SH2D6: variants seen among roughly 807,000 people sequenced by gnomAD.
SH2D6 encodes the protein SH2 domain-containing protein 6.
In SH2D6, 31 loss-of-function variants were observed where a neutral mutation model predicts 30.2. The ratio of observed to expected loss-of-function variants is 1.03; its 90% CI spans 0.77 to 1.38. SH2D6 has a LOEUF of 1.38. SH2D6 is among the 40% of genes most tolerant of loss of function. SH2D6 has a pLI of 0.00. For synonymous variants in SH2D6, 93 were observed against 104.6 expected (o/e 0.89, Z 0.68); for missense variants, 240 against 266.8 (o/e 0.90, Z 0.70).
intron 15 of SH2D6, 95 bp downstream of exon 15, chr2:85,433,216 C>T (rs1341230933): frequency 1.1e-6 from 1 of 873,542 alleles, no homozygotes; most frequent in African/African-American, 1.8e-5. Flanking sequence ...AGGAAATATC[C>T]CTGAAACCAA....
intron 2 of SH2D6, among the ~76,000 whole-genome samples, chr2:85,421,098 CAGG>C (rs1365130877): frequency 2.6e-5 from 4 of 152,216 alleles, no homozygotes; most frequent in Non-Finnish European, 5.9e-5. Context: ...CAGCTGGGAA[CAGG>C]AGAAGCTTGG....
chr2:85,435,260 G>A (rs1181523214), intron 20 of SH2D6, 137 bp downstream of exon 20: 26 of 1,247,358 alleles, frequency 2.1e-5, no homozygotes, highest in Admixed American at 4.3e-5. Flanking sequence ...GCACCCCGCC[G>A]TGCCCCAGAC....
At position 85,436,603 on chromosome 2, in the gene SH2D6, C is replaced by T. The variant is rs377247603; in HGVS notation, c.*12+9C>T. ...CTTGAGGCCACAGCGAAGTACACACCGCCTTTGGCCCCAGTTTGCTTCTTG... is the reference window on the plus strand; with the variant it reads ...CTTGAGGCCACAGCGAAGTACACACTGCCTTTGGCCCCAGTTTGCTTCTTG... On this transcript the variant is annotated intron_variant, in intron 23 of 23. Coordinates refer to ENST00000469800, the MANE Select transcript of SH2D6 (RefSeq NM_001394463.1). The T allele has an allele frequency of 9.4e-6, 15 of 1,599,422 alleles. No homozygotes were observed. In the South Asian group the frequency reaches 9.9e-5, roughly 11 times the overall value.
chr2:85,436,360 T>A, intron 22 of SH2D6, 106 bp from the exon 23 acceptor site: 1 of 797,158 alleles, frequency 1.3e-6, no homozygotes, highest in Non-Finnish European at 2.1e-6. Flanking sequence ...GGAAGATATC[T>A]AGAAAAATGT....
rs759274294 is a variant in SH2D6, at chr2:85,436,886, G to C, written c.*62G>C. On this transcript the variant is annotated 3_prime_UTR_variant, in exon 24 of 24. Coordinates refer to ENST00000469800, the MANE Select transcript of SH2D6 (RefSeq NM_001394463.1). ...CTAGGTCCTGGATGAAGGAACCGTGGTGGCCTAGACCAGTCAGGGGACAGC... is the reference window on the plus strand; with the variant it reads ...CTAGGTCCTGGATGAAGGAACCGTGCTGGCCTAGACCAGTCAGGGGACAGC... 57 of 365,140 alleles carry C rather than the reference G, an allele frequency of 1.6e-4. No homozygotes were observed. Among genetic ancestry groups the C allele is most frequent in the Non-Finnish European group, 6.7e-5 (13 of 193,206 alleles). The allele number at this position is 365,140 out of a possible 1,614,324, so 22.6% of individuals were successfully genotyped here.
At chr2:85,434,857 C>A in intron 19 of SH2D6, 1 of 1,511,850 alleles carries the variant, frequency 6.6e-7, no homozygotes, top group Non-Finnish European at 8.8e-7. Context: ...GATCACGCCT[C>A]ATTTGGAGGT....
At position 85,434,477 on chromosome 2, in the gene SH2D6, CA is replaced by C; in HGVS notation, c.570del (p.Ala191GlnfsTer16). ...ATCAGACCTCCTGTATGCCAGGGAA[CA>C]GCAGATGCTGCCTCTAAAGGTGAGT... ...TTAPQETRNG[T>X]ADAASKEGRK... On this transcript the variant is annotated frameshift_variant, in exon 19 of 24. Transcript: ENST00000469800. LOFTEE classifies it high-confidence loss of function. 6.4e-7 allele frequency: 1 copy of C among 1,550,488 alleles called. No homozygotes were observed. The highest frequency in any genetic ancestry group is 8.7e-7 in the Non-Finnish European group (1 of 1,146,982).
intron 6 of SH2D6, among the ~76,000 whole-genome samples, chr2:85,428,210 G>C (rs189794171): frequency 6.6e-6 from 1 of 151,774 alleles, no homozygotes; most frequent in African/African-American, 2.4e-5. Flanking sequence ...CTTAAGGAAG[G>C]TCACAATTAG....
intron 9 of SH2D6, 126 bp downstream of exon 9, chr2:85,429,738 A>C (rs1271914271): frequency 1.3e-5 from 2 of 152,510 alleles, no homozygotes; most frequent in Non-Finnish European, 2.9e-5. Context: ...CAGGGAGACC[A>C]TTCACGCGCC....
Position 85,435,436 on chromosome 2 carries a change from T to C in SH2D6, c.672T>C (p.Pro224=), listed in dbSNP as rs1689324347. 1.9e-6 allele frequency: 3 copies of C among 1,613,810 alleles called. No homozygotes were observed. In the African/African-American group the frequency reaches 4.0e-5, roughly 22 times the overall value. ...AGGACAGTGATCTGCTGACTCAGCC[T>C]TGGTACTCGGGGAACTGTGACCGCT... The part of the protein sequence containing the change: ...AAEDSDLLTQ[P]WYSGNCDRYA... Residue 224 remains proline, a synonymous_variant, in exon 21 of 24, where the codon CCT becomes CCC. Coordinates refer to ENST00000469800, the MANE Select transcript of SH2D6 (RefSeq NM_001394463.1).
In SH2D6 at chr2:85,418,830, A is replaced by T. The variant is rs1031532805; in HGVS notation, c.-893A>T. 2.0e-5 allele frequency: 3 copies of T among 152,250 alleles called. No homozygotes were observed. Among genetic ancestry groups the T allele is most frequent in the African/African-American group, 7.2e-5 (3 of 41,418 alleles). 9.4% of individuals were successfully genotyped at this position (152,250 alleles called of 1,614,324 possible). ...GAAGAGATGGCCTTCTCTCCTCGCA[A>T]ACCCAGCTCCCCACCCCTGCACGCG... On this transcript the variant is annotated 5_prime_UTR_variant, in exon 1 of 24. Transcript: ENST00000469800.
intron 20 of SH2D6, 94 bp from the exon 21 acceptor site, chr2:85,435,319 G>A: frequency 1.4e-6 from 2 of 1,406,390 alleles, no homozygotes; most frequent in Non-Finnish European, 9.9e-7. Context: ...GAGCATAGGA[G>A]ATGGGAACAT....
intron 14 of SH2D6, among the ~76,000 whole-genome samples, chr2:85,432,649 C>T (rs1358220315): frequency 2.0e-5 from 3 of 152,142 alleles, no homozygotes; most frequent in African/African-American, 7.2e-5. Context: ...ATCCGCCTGC[C>T]TCGGCCTCCC....
At chr2:85,424,071 C>A (rs1342279778) in intron 5 of SH2D6, among the ~76,000 whole-genome samples, 1 of 152,244 alleles carries the variant, frequency 6.6e-6, no homozygotes, top group East Asian at 1.9e-4. Context: ...CTGAGCTCCC[C>A]AGCTCCTGTC....
intron 2 of SH2D6, among the ~76,000 whole-genome samples, chr2:85,420,320 A>G (rs903554597): frequency 6.6e-6 from 1 of 152,124 alleles, no homozygotes; most frequent in African/African-American, 2.4e-5. Context: ...GGGTTTCACC[A>G]TGTTGGCCAG....
Position 85,429,617 on chromosome 2 carries a change from G to T in SH2D6, c.29+5G>T. The stretch of plus-strand genomic sequence containing the variant: ...GCTCAGTGGGAGCAGGCCCCGGTGA[G>T]TACTGGGACTCCTCTCTCCCCTGCC... On this transcript the variant is annotated splice_donor_5th_base_variant and intron_variant, in intron 9 of 23. Coordinates refer to ENST00000469800, the MANE Select transcript of SH2D6 (RefSeq NM_001394463.1). The T allele has an allele frequency of 6.5e-6, 1 of 152,836 alleles. No homozygotes were observed. Among genetic ancestry groups the T allele is most frequent in the Non-Finnish European group, 1.5e-5 (1 of 68,168 alleles). The allele number at this position is 152,836 out of a possible 1,614,324, so 9.5% of individuals were successfully genotyped here.
intron 20 of SH2D6, 51 bp downstream of exon 20, chr2:85,435,174 C>G (rs374868900): frequency 7.9e-5 from 124 of 1,566,390 alleles, no homozygotes; most frequent in Non-Finnish European, 1.0e-4. Context: ...GGAGCAGAGC[C>G]TGAGAGTCCT....
chr2:85,428,309 G>A (rs1688241234), intron 6 of SH2D6, among the ~76,000 whole-genome samples: 1 of 152,160 alleles, frequency 6.6e-6, no homozygotes, highest in South Asian at 2.1e-4. Flanking sequence ...AGGCTCTGGG[G>A]CAGGCAGAGC....
chr2:85,427,771 G>GT (rs1558752281), intron 6 of SH2D6, among the ~76,000 whole-genome samples: 1 of 152,142 alleles, frequency 6.6e-6, no homozygotes. Flanking sequence ...TGTTATTTTT[G>GT]TTTTTTTGGT....
Sources: gnomAD v4.1 joint callset for allele counts (sites outside exome capture counted in the v4.1 genomes callset) on GRCh38, gnomAD v4.1.1 for gene constraint, MANE v1.5 for transcripts, NCBI Gene and HGNC (gene_info 2026-07-23, HGNC 2026-07-21) for gene names.